Variants in ZNF717 observed in about 807,000 individuals in gnomAD.
ZNF717 encodes krueppel-like factor X17.
In ZNF717, 9 loss-of-function variants were observed where a neutral mutation model predicts 13.8. That is an observed-to-expected ratio of 0.65 (90% CI 0.39 to 1.14). The LOEUF (loss-of-function observed/expected upper bound fraction) is 1.14, where lower values mean the gene tolerates loss of function less well. Among genes scored for constraint, ZNF717 ranks in the 50% most tolerant of loss-of-function variants. ZNF717 has a pLI of 0.01. For synonymous variants in ZNF717, 327 were observed against 364.1 expected (o/e 0.90, Z 1.16); for missense variants, 1,040 against 1,080.7 (o/e 0.96, Z 0.53).
In ZNF717 at chr3:75,785,427, G is replaced by GC. The variant is rs1945094914; in HGVS notation, c.-47dup. 1 of 152,926 alleles carries GC rather than the reference G, an allele frequency of 6.5e-6. No homozygotes were observed. Among genetic ancestry groups the GC allele is most frequent in the Non-Finnish European group, 1.5e-5 (1 of 68,620 alleles). 9.5% of individuals were successfully genotyped at this position (152,926 alleles called of 1,614,324 possible). A position where few individuals can be genotyped will look rare whatever the true frequency, so the allele number is the denominator to read the frequency against. ...CCGCCCGCGATGCGCCCACGCGTCTGCTCCCACAACTGGGGAACACTGGTC... is the reference window on the plus strand; with the variant it reads ...CCGCCCGCGATGCGCCCACGCGTCTGCCTCCCACAACTGGGGAACACTGGTC... On this transcript the variant is annotated 5_prime_UTR_variant, in exon 1 of 5. Transcript: ENST00000652011.
intron 2 of ZNF717, among the ~76,000 whole-genome samples, chr3:75,764,180 A>C (rs1943249769): frequency 6.6e-6 from 1 of 152,170 alleles, no homozygotes; most frequent in Admixed American, 6.5e-5. Context: ...AGCCTGCTCC[A>C]TCCTCAATTG....
chr3:75,766,531 C>G (rs1400293126), intron 2 of ZNF717, among the ~76,000 whole-genome samples: 1 of 152,096 alleles, frequency 6.6e-6, no homozygotes, highest in African/African-American at 2.4e-5. Flanking sequence ...ACACACAAAA[C>G]CTCAAAGTAC....
intron 6 of ZNF717, among the ~76,000 whole-genome samples, chr3:75,703,572 CATT>C (rs1441022485): frequency 2.0e-5 from 3 of 151,350 alleles, no homozygotes; most frequent in East Asian, 1.9e-4. Context: ...ATAAAAATCT[CATT>C]GTGTTTCAAA....
downstream of ZNF717, among the ~76,000 whole-genome samples, chr3:75,730,977 A>T (rs1175135097): frequency 1.3e-5 from 2 of 152,256 alleles, no homozygotes; most frequent in East Asian, 3.8e-4. Flanking sequence ...GCAGTGGCTC[A>T]TGCCTGTAAT....
chr3:75,769,291 C>T (rs1943725537), intron 2 of ZNF717, among the ~76,000 whole-genome samples: 1 of 152,110 alleles, frequency 6.6e-6, no homozygotes, highest in Admixed American at 6.5e-5. Flanking sequence ...CGATGCCAGA[C>T]TGGGAGGAAG....
At chr3:75,719,543 A>G (rs1396607171) in intron 4 of ZNF717, among the ~76,000 whole-genome samples, 1 of 152,208 alleles carries the variant, frequency 6.6e-6, no homozygotes, top group African/African-American at 2.4e-5. Flanking sequence ...TTTCTAGCAT[A>G]ATTTAAGGCT....
chr3:75,763,244 T>C (rs1467709242), intron 2 of ZNF717, among the ~76,000 whole-genome samples: 1 of 152,204 alleles, frequency 6.6e-6, no homozygotes, highest in Non-Finnish European at 1.5e-5. Context: ...AAGGAAACTG[T>C]AGAGTAAAAG....
At chr3:75,759,180 G>T in intron 2 of ZNF717, among the ~76,000 whole-genome samples, 1 of 151,646 alleles carries the variant, frequency 6.6e-6, no homozygotes, top group African/African-American at 2.4e-5. Context: ...CAGTGGTCTG[G>T]AACCAAACCC....
intron 2 of ZNF717, among the ~76,000 whole-genome samples, chr3:75,744,591 C>T (rs372095331): frequency 2.3e-3 from 338 of 146,260 alleles, no homozygotes; most frequent in African/African-American, 7.7e-3. Flanking sequence ...AACTGGTGAA[C>T]GGCTGGAGGA....
At chr3:75,698,188 G>T (rs1937626124) in intron 6 of ZNF717, among the ~76,000 whole-genome samples, 2 of 152,298 alleles carry the variant, frequency 1.3e-5, no homozygotes, top group Non-Finnish European at 2.9e-5. Context: ...GCTTACAAGG[G>T]AAGCATAGTG....
rs111345562 is a variant in ZNF717, at chr3:75,713,668, A to G, written n.668-2352T>C. On this transcript the variant is annotated intron_variant and non_coding_transcript_variant, in intron 5 of 5. Transcript: ENST00000491507. ...CATAGAAAACAAAATTATGACTAAT[A>G]ATGTAGGGACCAGCCCCACAGGGTC... is the stretch of plus-strand genomic sequence containing the variant. Among the ~76,000 whole-genome samples, 1,463 of 152,266 alleles carry G rather than the reference A, an allele frequency of 9.6e-3. 26 individuals are homozygous for G. The highest frequency in any genetic ancestry group is 0.034 in the African/African-American group (1,417 of 41,534).
At chr3:75,766,330 A>C (rs1244715705) in intron 2 of ZNF717, among the ~76,000 whole-genome samples, 2 of 152,066 alleles carry the variant, frequency 1.3e-5, no homozygotes, top group African/African-American at 4.8e-5. Flanking sequence ...TGCAGACACT[A>C]ATCATAAAAA....
chr3:75,767,631 T>C (rs1413820790), intron 2 of ZNF717, among the ~76,000 whole-genome samples: 2 of 152,130 alleles, frequency 1.3e-5, no homozygotes, highest in Non-Finnish European at 2.9e-5. Context: ...GCCTGGGAGT[T>C]ACGTGCTGAG....
intron 4 of ZNF717, among the ~76,000 whole-genome samples, chr3:75,718,081 T>C (rs79244089): frequency 1.1e-3 from 161 of 144,352 alleles, no homozygotes; most frequent in Middle Eastern, 3.5e-3. Flanking sequence ...TGCAGATGAC[T>C]GGTGCTTACT....
intron 2 of ZNF717, among the ~76,000 whole-genome samples, chr3:75,772,606 T>C (rs1219818156): frequency 6.6e-6 from 1 of 152,260 alleles, no homozygotes; most frequent in Admixed American, 6.5e-5. Flanking sequence ...TGCCAGTGCC[T>C]GGAGCTGCCC....
downstream of ZNF717, among the ~76,000 whole-genome samples, chr3:75,735,468 A>C (rs1421586807): frequency 4.3e-3 from 642 of 149,682 alleles, no homozygotes; most frequent in African/African-American, 0.016. Context: ...CCTACAGAAA[A>C]GAAAAGGCCA....
chr3:75,772,348 T>C (rs555819679), intron 2 of ZNF717, among the ~76,000 whole-genome samples: 1 of 152,278 alleles, frequency 6.6e-6, no homozygotes, highest in East Asian at 1.9e-4. Flanking sequence ...GAAAGAGGTG[T>C]AACATAAACA....
downstream of ZNF717, among the ~76,000 whole-genome samples, chr3:75,708,627 G>A (rs1176071827): frequency 1.2e-3 from 183 of 152,308 alleles, no homozygotes; most frequent in African/African-American, 3.8e-3. Flanking sequence ...GAATGACTTT[G>A]ACGAGTTGAG....
At position 75,738,582 on chromosome 3, in the gene ZNF717, G is replaced by T. The variant is rs1321444927; in HGVS notation, c.1041C>A (p.Thr347=). The change falls in exon 5 of 5, where the codon ACC becomes ACA. Residue 347 remains threonine, a synonymous_variant. Coordinates refer to ENST00000652011, the MANE Select transcript of ZNF717 (RefSeq NM_001290208.3). ...AAGTGAGGAATGACTTACGGCGAAA[G>T]GTTTTACCACATTCATTGCATCCAT... ...KPYGCNECGK[T]FRRKSFLTLH... 1.9e-6 allele frequency: 3 copies of T among 1,541,344 alleles called. No individual in the cohort carries two copies. The South Asian group carries it at 3.6e-5, about 18-fold the overall frequency.
Sources: gnomAD v4.1 joint callset for allele counts (sites outside exome capture counted in the v4.1 genomes callset) on GRCh38, gnomAD v4.1.1 for gene constraint, MANE v1.5 for transcripts, NCBI Gene and HGNC (gene_info 2026-07-23, HGNC 2026-07-21) for gene names.